The following SCD5 variants were observed in gnomAD, a reference collection of about 807,000 sequenced individuals.
The protein encoded by SCD5 is stearoyl-CoA desaturase 5.
SCD5 carries 20 observed loss-of-function variants against 30.4 expected under a neutral mutation model. That is an observed-to-expected ratio of 0.66 (90% confidence interval 0.46 to 0.96). SCD5 has a LOEUF of 0.96. Ranked by LOEUF, SCD5 falls within the 40% of genes least tolerant of loss-of-function variation. The pLI is 0.00. For synonymous variants in SCD5, 173 were observed against 176.4 expected, an observed-to-expected ratio of 0.98 and a Z score of 0.16; for missense variants, 381 against 443.3, an observed-to-expected ratio of 0.86 and a Z score of 1.26.
chr4:82,679,226 A>AAGAAAGAAATAAAGAG, intron 3 of SCD5, among the ~76,000 whole-genome samples: 1 of 90,316 alleles, frequency 1.1e-5, no homozygotes, highest in African/African-American at 4.2e-5. Flanking sequence ...AAAGAAAAGA[A>AAGAAAGAAATAAAGAG]AGAAAGAAAG....
intron 1 of SCD5, among the ~76,000 whole-genome samples, chr4:82,774,183 A>G (rs1442391889): frequency 6.6e-6 from 1 of 152,144 alleles, no homozygotes; most frequent in Non-Finnish European, 1.5e-5. Context: ...ATGAGGATGA[A>G]GCTACAAGGA....
chr4:82,694,018 A>G (rs947782194), intron 2 of SCD5, among the ~76,000 whole-genome samples: 4 of 152,166 alleles, frequency 2.6e-5, no homozygotes, highest in Admixed American at 2.6e-4. Flanking sequence ...GGGATGGCCC[A>G]TCTCACACTC....
intron 1 of SCD5, among the ~76,000 whole-genome samples, chr4:82,777,830 A>T (rs2076895739): frequency 6.6e-6 from 1 of 152,118 alleles, no homozygotes; most frequent in African/African-American, 2.4e-5. Context: ...AGAAGCCCCA[A>T]ATTCATGCAA....
chr4:82,707,403 C>T (rs1237573461), intron 1 of SCD5, among the ~76,000 whole-genome samples: 3 of 152,216 alleles, frequency 2.0e-5, no homozygotes, highest in African/African-American at 4.8e-5. Context: ...AGAGAACTCA[C>T]GGACGGTCCT....
chr4:82,661,990 AAGG>A (rs1226897094), intron 3 of SCD5, among the ~76,000 whole-genome samples: 1 of 152,166 alleles, frequency 6.6e-6, no homozygotes, highest in East Asian at 1.9e-4. Context: ...TCCAACAAAA[AAGG>A]AGGGAAATGA....
intron 1 of SCD5, among the ~76,000 whole-genome samples, chr4:82,774,297 T>TAA (rs35459169): frequency 6.6e-6 from 1 of 150,406 alleles, no homozygotes. Flanking sequence ...ATACTGCCAT[T>TAA]AAAAAAAAAT....
At chr4:82,713,540 A>C (rs916471068) in intron 1 of SCD5, among the ~76,000 whole-genome samples, 1 of 152,204 alleles carries the variant, frequency 6.6e-6, no homozygotes, top group Non-Finnish European at 1.5e-5. Context: ...TGTGTTAACC[A>C]ATACAGCAAT....
intron 1 of SCD5, among the ~76,000 whole-genome samples, chr4:82,773,811 CAT>C (rs1340418929): frequency 1.3e-5 from 2 of 152,094 alleles, no homozygotes; most frequent in African/African-American, 4.8e-5. Context: ...TGAAAATGCA[CAT>C]AGAGGCCGGG....
At chr4:82,758,184 G>C (rs1427374962) in intron 1 of SCD5, among the ~76,000 whole-genome samples, 1 of 152,198 alleles carries the variant, frequency 6.6e-6, no homozygotes, top group Non-Finnish European at 1.5e-5. Flanking sequence ...TACAACCAGT[G>C]GGGTGCAGTG....
chr4:82,669,330 A>C (rs1484631087), intron 3 of SCD5, among the ~76,000 whole-genome samples: 3 of 151,690 alleles, frequency 2.0e-5, no homozygotes, highest in African/African-American at 7.3e-5. Context: ...GGAAAGTATC[A>C]ATTTCCAGTT....
At chr4:82,665,470 C>T (rs988504582) in intron 3 of SCD5, among the ~76,000 whole-genome samples, 1 of 151,786 alleles carries the variant, frequency 6.6e-6, no homozygotes, top group Non-Finnish European at 1.5e-5. Context: ...GGAAACATTA[C>T]GTGCAGAGGG....
chr4:82,797,904 C>A (rs1169593237), intron 1 of SCD5, among the ~76,000 whole-genome samples: 2 of 152,172 alleles, frequency 1.3e-5, no homozygotes, highest in Non-Finnish European at 2.9e-5. Context: ...CCAGGGACCG[C>A]AGAGGTGACA....
In SCD5 at chr4:82,749,185, A is replaced by T. The variant is rs1721050817; in HGVS notation, c.233-43772T>A. On this transcript the variant is annotated intron_variant, in intron 1 of 4. Transcript: ENST00000319540. ...AATGATAAATTTGTGAAGAAATGAC[A>T]AGGGGCTCTGGATAGAGAGTAAACT... 2.0e-5 allele frequency among the ~76,000 whole-genome samples: 3 copies of T among 152,262 alleles called. No homozygotes were observed. In the South Asian group the frequency reaches 6.2e-4, roughly 31 times the overall value.
intron 1 of SCD5, among the ~76,000 whole-genome samples, chr4:82,712,592 A>AG (rs1720135933): frequency 1.3e-5 from 2 of 151,994 alleles, no homozygotes; most frequent in Admixed American, 1.3e-4. Flanking sequence ...CTGGGATTAC[A>AG]GGCGTGAGCC....
At chr4:82,666,171 G>A (rs1039488661) in intron 3 of SCD5, among the ~76,000 whole-genome samples, 1 of 151,882 alleles carries the variant, frequency 6.6e-6, no homozygotes, top group African/African-American at 2.4e-5. Context: ...TTACCATATG[G>A]GAAAAAAGAA....
intron 4 of SCD5, 113 bp from the exon 5 acceptor site, chr4:82,631,630 G>T (rs1577996688): frequency 8.9e-7 from 1 of 1,119,540 alleles, no homozygotes; most frequent in African/African-American, 1.6e-5. Flanking sequence ...GTCAGCCTCT[G>T]TGAGGAGCAA....
At chr4:82,760,620 CACTT>C (rs1355135868) in intron 1 of SCD5, among the ~76,000 whole-genome samples, 1 of 152,084 alleles carries the variant, frequency 6.6e-6, no homozygotes, top group Non-Finnish European at 1.5e-5. Flanking sequence ...GTCTCTAACT[CACTT>C]GTTTTCAAGA....
intron 1 of SCD5, among the ~76,000 whole-genome samples, chr4:82,756,310 T>C (rs1456565248): frequency 6.6e-6 from 1 of 152,128 alleles, no homozygotes; most frequent in African/African-American, 2.4e-5. Flanking sequence ...CATGGCACAG[T>C]GATGATGAGA....
At chr4:82,694,504 C>G (rs2148824938) in intron 2 of SCD5, among the ~76,000 whole-genome samples, 1 of 152,144 alleles carries the variant, frequency 6.6e-6, no homozygotes, top group South Asian at 2.1e-4. Flanking sequence ...AGACCTTTGG[C>G]CTGTAAGAGG....
Sources: gnomAD v4.1 joint callset for allele counts (sites outside exome capture counted in the v4.1 genomes callset) on GRCh38, gnomAD v4.1.1 for gene constraint, MANE v1.5 for transcripts, NCBI Gene and HGNC (gene_info 2026-07-23, HGNC 2026-07-21) for gene names.